The following XRCC5 variants were observed in gnomAD, a reference collection of about 807,000 sequenced individuals.
The protein encoded by XRCC5 is X-ray repair cross complementing 5.
A neutral mutation model predicts 95.7 loss-of-function variants in XRCC5; 12 were observed. That is an observed-to-expected ratio of 0.13 (90% confidence interval 0.08 to 0.20). The LOEUF is 0.20. Ranked by LOEUF, XRCC5 falls within the 10% of genes least tolerant of loss-of-function variation. The pLI, the probability that XRCC5 is intolerant of heterozygous loss-of-function variation, is 1.00. For missense variants in XRCC5, 595 were observed against 873.9 expected, an observed-to-expected ratio of 0.68 and a Z score of 4.02; for synonymous variants, 281 against 290.3, an observed-to-expected ratio of 0.97 and a Z score of 0.33.
At chr2:216,200,935 G>A (rs1689823535) in intron 19 of XRCC5, among the ~76,000 whole-genome samples, 1 of 152,116 alleles carries the variant, frequency 6.6e-6, no homozygotes, top group South Asian at 2.1e-4. Context: ...ATACCACTTG[G>A]TGGACATATG....
chr2:216,122,312 G>GATT, intron 6 of XRCC5, 59 bp downstream of exon 6: 2 of 1,482,902 alleles, frequency 1.3e-6, no homozygotes, highest in Non-Finnish European at 1.8e-6. Context: ...TTTCTCTTTT[G>GATT]ATTAGAGGTC....
chr2:216,163,386 G>C (rs1688989744), intron 16 of XRCC5, among the ~76,000 whole-genome samples: 1 of 152,072 alleles, frequency 6.6e-6, no homozygotes, highest in Non-Finnish European at 1.5e-5. Flanking sequence ...TGAGATCTCA[G>C]CTTACTGCAG....
intron 2 of XRCC5, 170 bp from the exon 3 acceptor site, chr2:216,116,489 C>A: frequency 2.8e-6 from 2 of 713,200 alleles, no homozygotes; most frequent in Non-Finnish European, 4.8e-6. Flanking sequence ...CTGTTCAGAA[C>A]CTAAGAATTG....
At position 216,111,521 on chromosome 2, in the gene XRCC5, C is replaced by CA. The variant is rs749444158; in HGVS notation, c.22-1487dup. On this transcript the variant is annotated intron_variant, in intron 1 of 20. Coordinates refer to ENST00000392132, the MANE Select transcript of XRCC5 (RefSeq NM_021141.4). ...CCTGGGTGACAGTGAGACCATGTCTCAAAAAAAAGGAAAAAAAAATGGTGG... is the reference window on the plus strand; with the variant it reads ...CCTGGGTGACAGTGAGACCATGTCTCAAAAAAAAAGGAAAAAAAAATGGTGG... The CA allele has an allele frequency of 1.3e-3, 351 of 266,492 alleles. 1 individual carries two copies. Among genetic ancestry groups the CA allele is most frequent in the Non-Finnish European group, 1.8e-3 (233 of 129,626 alleles). The allele number at this position is 266,492 out of a possible 1,614,324, so 16.5% of individuals were successfully genotyped here.
intron 2 of XRCC5, among the ~76,000 whole-genome samples, chr2:216,114,497 C>CCTTCTCTGTTAGAGAAGGTAAGTAGAAGT (rs1696647502): frequency 6.6e-6 from 1 of 151,986 alleles, no homozygotes; most frequent in Non-Finnish European, 1.5e-5. Flanking sequence ...GGTAAGTAGA[C>CCTTCTCTGTTAGAGAAGGTAAGTAGAAGT]ATGAGCAGGG....
intron 14 of XRCC5, among the ~76,000 whole-genome samples, chr2:216,151,655 C>G (rs758002315): frequency 6.6e-6 from 1 of 152,138 alleles, no homozygotes; most frequent in Non-Finnish European, 1.5e-5. Context: ...GGGGTTAATG[C>G]GAGCAGTGTA....
chr2:216,130,081 G>A (rs1696970253), intron 8 of XRCC5, among the ~76,000 whole-genome samples: 1 of 152,112 alleles, frequency 6.6e-6, no homozygotes, highest in Non-Finnish European at 1.5e-5. Context: ...GTTTTATTGT[G>A]TCTTGGGGTA....
chr2:216,166,589 T>A (rs1443852504), intron 16 of XRCC5, among the ~76,000 whole-genome samples: 1 of 152,226 alleles, frequency 6.6e-6, no homozygotes, highest in African/African-American at 2.4e-5. Flanking sequence ...ACATTGAGTT[T>A]ATCCACTTGT....
chr2:216,119,161 T>G lies in XRCC5; in HGVS notation c.487T>G (p.Phe163Val). The G allele has an allele frequency of 6.2e-7, 1 of 1,614,058 alleles. No individual in the cohort carries two copies. Residue 163 changes from phenylalanine to valine, a missense_variant, in exon 5 of 21, where the codon TTC becomes GTC. This residue lies in a region of XRCC5 where 286 missense variants were observed against 491.1 expected (regional missense o/e 0.58). Transcript: ENST00000392132. ...GAAGAAATGTGACATCTCCCTGCAA[T>G]TCTTGTAAGATCCTAAGAATAATGC... The part of the protein sequence containing the change: ...SLKKCDISLQ[F>V]FLPFSLGKED...
rs1553571915 is a variant in XRCC5 at position 216,141,543 on chromosome 2, T to TTTC, written c.1476+226_1476+227insCTT. Among the ~76,000 whole-genome samples the TTTC allele has an allele frequency of 5.5e-3, 368 of 66,816 alleles. 11 individuals carry two copies. Among genetic ancestry groups the TTTC allele is most frequent in the African/African-American group, 0.018 (357 of 20,022 alleles). 43.8% of individuals were successfully genotyped at this position (66,816 alleles called of 152,430 possible). ...GTTGGAATGCTTTCTTTCTTTTCTTTTTTTTTTTTTTTTTTTTTTTTTTCC... is the reference window on the plus strand; with the variant it reads ...GTTGGAATGCTTTCTTTCTTTTCTTTTTCTTTTTTTTTTTTTTTTTTTTTTTCC... On this transcript the variant is annotated intron_variant, in intron 13 of 20. Transcript: ENST00000392132.
At chr2:216,144,494 G>A (rs568541567) in intron 13 of XRCC5, among the ~76,000 whole-genome samples, 1 of 152,274 alleles carries the variant, frequency 6.6e-6, no homozygotes, top group South Asian at 2.1e-4. Flanking sequence ...AATTCTTAAG[G>A]CATTTAGAAG....
intron 19 of XRCC5, 107 bp downstream of exon 19, chr2:216,195,093 C>A: frequency 3.0e-6 from 3 of 987,638 alleles, no homozygotes; most frequent in South Asian, 1.4e-5. Context: ...TTAGTGTACT[C>A]ATTTTGTATT....
chr2:216,154,203 A>G (rs945507603), intron 14 of XRCC5, among the ~76,000 whole-genome samples: 1 of 152,212 alleles, frequency 6.6e-6, no homozygotes, highest in Non-Finnish European at 1.5e-5. Context: ...TCAAGTGGCA[A>G]TAACAAATGC....
chr2:216,155,523 T>A (rs2106023705), intron 14 of XRCC5, among the ~76,000 whole-genome samples: 1 of 152,258 alleles, frequency 6.6e-6, no homozygotes, highest in Admixed American at 6.5e-5. Context: ...CAGGAACTTC[T>A]GTGTACTGCT....
At chr2:216,154,812 TA>T (rs1688812139) in intron 14 of XRCC5, among the ~76,000 whole-genome samples, 1 of 152,194 alleles carries the variant, frequency 6.6e-6, no homozygotes, top group African/African-American at 2.4e-5. Context: ...ACGCTTGCTC[TA>T]ATGGCCTCCC....
In XRCC5 at chr2:216,127,634, T is replaced by C. The variant is rs1336596379; in HGVS notation, c.897T>C (p.Asp299=). Residue 299 remains aspartate, a synonymous_variant, in exon 8 of 21, where the codon GAT becomes GAC. Coordinates refer to ENST00000392132, the MANE Select transcript of XRCC5 (RefSeq NM_021141.4). Reference sequence around the variant, plus strand: ...AAGAAACAGTTTATTGCTTAAATGATGATGATGAAACTGAAGTTTTAAAAG... The same window carrying C: ...AAGAAACAGTTTATTGCTTAAATGACGATGATGAAACTGAAGTTTTAAAAG... ...IQKETVYCLN[D]DDETEVLKED... 1 of 1,611,032 alleles carries C rather than the reference T, an allele frequency of 6.2e-7. No homozygotes were observed. Among genetic ancestry groups the C allele is most frequent in the Non-Finnish European group, 8.5e-7 (1 of 1,179,150 alleles).
At chr2:216,115,009 C>T (rs935711376) in intron 2 of XRCC5, among the ~76,000 whole-genome samples, 1 of 149,552 alleles carries the variant, frequency 6.7e-6, no homozygotes, top group South Asian at 2.1e-4. Flanking sequence ...GGTTGGGGGG[C>T]GGGGCGGTCT....
At chr2:216,118,850 A>G (rs539274925) in intron 4 of XRCC5, among the ~76,000 whole-genome samples, 193 bp from the exon 5 acceptor site, 14 of 152,354 alleles carry the variant, frequency 9.2e-5, no homozygotes, top group African/African-American at 3.1e-4. Context: ...TTTGGCCAAG[A>G]TGTTCAAAGT....
intron 16 of XRCC5, among the ~76,000 whole-genome samples, chr2:216,180,022 TAAAA>T (rs1343283247): frequency 7.9e-5 from 12 of 152,212 alleles, no homozygotes; most frequent in Admixed American, 7.9e-4. Context: ...AGAAAAAGTT[TAAAA>T]ATAACTCCCA....
Sources: allele counts gnomAD v4.1 joint callset (sites outside exome capture counted in the v4.1 genomes callset), GRCh38; gene constraint gnomAD v4.1.1; regional missense constraint gnomAD v4.1.1; transcripts MANE v1.5; gene names NCBI Gene and HGNC (gene_info 2026-07-23, HGNC 2026-07-21).